Variants in FAM149B1 observed in about 807,000 individuals in gnomAD.
FAM149B1 encodes the protein primary cilium assembly protein FAM149B1.
FAM149B1 carries 56 observed loss-of-function variants against 75.3 expected under a neutral mutation model. The ratio of observed to expected loss-of-function variants is 0.74; its 90% confidence interval spans 0.60 to 0.93. The LOEUF (loss-of-function observed/expected upper bound fraction) is 0.93. Among genes scored for constraint, FAM149B1 ranks in the 40% least tolerant of loss-of-function variants. The pLI is 0.00. For missense variants in FAM149B1, 639 were observed against 708.4 expected, an observed-to-expected ratio of 0.90 and a Z score of 1.11; for synonymous variants, 259 against 256.1, an observed-to-expected ratio of 1.01 and a Z score of -0.11.
At chr10:73,176,276 A>G (rs1843961828) in intron 2 of FAM149B1, among the ~76,000 whole-genome samples, 2 of 152,138 alleles carry the variant, frequency 1.3e-5, no homozygotes, top group Admixed American at 1.3e-4. Context: ...AATGCGAGCC[A>G]TGGGGAGCTG....
intron 3 of FAM149B1, among the ~76,000 whole-genome samples, chr10:73,180,591 T>G (rs1344374373): frequency 6.6e-6 from 1 of 152,214 alleles, no homozygotes. Context: ...GCATTTATAG[T>G]CTAACAGGTT....
intron 5 of FAM149B1, among the ~76,000 whole-genome samples, chr10:73,196,725 A>G (rs1372805585): frequency 6.6e-6 from 1 of 152,080 alleles, no homozygotes; most frequent in African/African-American, 2.4e-5. Context: ...ATTTAAGATA[A>G]AAGTCTAAAA....
chr10:73,199,197 T>G (rs967477952), intron 5 of FAM149B1, among the ~76,000 whole-genome samples: 6 of 146,560 alleles, frequency 4.1e-5, no homozygotes, highest in East Asian at 2.0e-4. Flanking sequence ...GTTATCCTTT[T>G]TTGTTGTTGT....
chr10:73,232,302 C>T (rs770928380), intron 9 of FAM149B1, among the ~76,000 whole-genome samples: 12 of 152,088 alleles, frequency 7.9e-5, no homozygotes, highest in East Asian at 1.9e-4. Flanking sequence ...ATTTATTGGA[C>T]GACTTACAGA....
At chr10:73,239,479 G>T (rs1168979646) in intron 13 of FAM149B1, 95 bp downstream of exon 13, 1 of 864,246 alleles carries the variant, frequency 1.2e-6, no homozygotes, top group Non-Finnish European at 1.8e-6. Context: ...CCTTCTTTCA[G>T]ATTTTCTTGG....
intron 7 of FAM149B1, among the ~76,000 whole-genome samples, chr10:73,211,102 C>G (rs951208329): frequency 1.3e-5 from 2 of 152,168 alleles, no homozygotes; most frequent in African/African-American, 4.8e-5. Flanking sequence ...AAGTTGTGAC[C>G]TGTACTTCTG....
intron 5 of FAM149B1, among the ~76,000 whole-genome samples, chr10:73,197,685 C>CG (rs1208217806): frequency 6.6e-6 from 1 of 151,776 alleles, no homozygotes; most frequent in Non-Finnish European, 1.5e-5. Flanking sequence ...CAGGAGAATC[C>CG]CTTGAACTCA....
At chr10:73,177,665 T>C (rs1844029522) in intron 2 of FAM149B1, among the ~76,000 whole-genome samples, 181 bp from the exon 3 acceptor site, 1 of 141,652 alleles carries the variant, frequency 7.1e-6, no homozygotes, top group Admixed American at 6.7e-5. Context: ...ATCAATTCTG[T>C]AGGAATTAGG....
At position 73,244,085 on chromosome 10, in the gene FAM149B1, C is replaced by T. The variant is rs2043981848; in HGVS notation, c.*3066C>T. On this transcript the variant is annotated 3_prime_UTR_variant, in exon 14 of 14. Transcript: ENST00000242505. ...CATAACTATGTCATTCATTAAATGG[C>T]AACAATGCTGACAGCAAGCAGTAGA... 1 of 615,572 alleles carries T rather than the reference C, an allele frequency of 1.6e-6. No homozygotes were observed. The highest frequency in any genetic ancestry group is 2.1e-5 in the South Asian group (1 of 47,302). 38.1% of individuals were successfully genotyped at this position (615,572 alleles called of 1,614,324 possible).
chr10:73,173,822 C>G (rs1843823528), intron 1 of FAM149B1, among the ~76,000 whole-genome samples: 1 of 152,054 alleles, frequency 6.6e-6, no homozygotes, highest in Admixed American at 6.6e-5. Flanking sequence ...CAAATTGTTG[C>G]AAATCTCCAA....
chr10:73,178,479 G>A (rs536484617), intron 3 of FAM149B1, among the ~76,000 whole-genome samples: 2 of 145,320 alleles, frequency 1.4e-5, no homozygotes, highest in Non-Finnish European at 3.0e-5. Flanking sequence ...CAACAAGAAC[G>A]AAACTGTCTC....
intron 12 of FAM149B1, among the ~76,000 whole-genome samples, chr10:73,238,330 G>A (rs1011631344): frequency 2.0e-5 from 3 of 152,204 alleles, no homozygotes; most frequent in Non-Finnish European, 4.4e-5. Context: ...CTGGGCGACA[G>A]AGCGAGAAGA....
chr10:73,174,568 A>C (rs1263547076), intron 1 of FAM149B1, 119 bp from the exon 2 acceptor site: 3 of 633,322 alleles, frequency 4.7e-6, no homozygotes, highest in Non-Finnish European at 8.1e-6. Context: ...ACTGGTGGCT[A>C]CCATATCAGA....
intron 13 of FAM149B1, among the ~76,000 whole-genome samples, chr10:73,240,393 A>G (rs1368783621): frequency 6.6e-6 from 1 of 152,126 alleles, no homozygotes; most frequent in Non-Finnish European, 1.5e-5. Context: ...TCTGCATTTG[A>G]GCTACAATTT....
At chr10:73,169,843 A>G (rs1201740256) in intron 1 of FAM149B1, among the ~76,000 whole-genome samples, 1 of 148,830 alleles carries the variant, frequency 6.7e-6, no homozygotes, top group Non-Finnish European at 1.5e-5. Flanking sequence ...GAAATGTTAC[A>G]TATTTTAAGA....
intron 7 of FAM149B1, 68 bp downstream of exon 7, chr10:73,210,506 T>G (rs2043164147): frequency 8.9e-7 from 1 of 1,129,042 alleles, no homozygotes. Flanking sequence ...ACCAGTCTAT[T>G]AGATGATATG....
chr10:73,233,245 G>GA, intron 10 of FAM149B1, 82 bp downstream of exon 10: 1 of 977,480 alleles, frequency 1.0e-6, no homozygotes, highest in South Asian at 1.5e-5. Flanking sequence ...ATATAAGACT[G>GA]AAATCTATGC....
Position 73,243,420 on chromosome 10 carries a change from G to A in FAM149B1, c.*2401G>A, listed in dbSNP as rs546048289. The A allele has an allele frequency of 7.4e-4, 1,193 of 1,613,894 alleles. 20 individuals carry two copies. The South Asian group carries it at 0.012, about 17-fold the overall frequency. ...TTCCATTATTTCTTTTCTTTCTTGA[G>A]AGCAGATTTTTTCCCTCCTCCTTTG... On this transcript the variant is annotated 3_prime_UTR_variant, in exon 14 of 14. Coordinates refer to ENST00000242505, the MANE Select transcript of FAM149B1 (RefSeq NM_173348.2).
chr10:73,227,426 T>C (rs2043577484), intron 7 of FAM149B1, among the ~76,000 whole-genome samples: 1 of 152,194 alleles, frequency 6.6e-6, no homozygotes, highest in Non-Finnish European at 1.5e-5. Flanking sequence ...AGTCATATTT[T>C]CTATTTCTGC....
Sources: gnomAD v4.1 joint callset for allele counts (sites outside exome capture counted in the v4.1 genomes callset) on GRCh38, gnomAD v4.1.1 for gene constraint, MANE v1.5 for transcripts, NCBI Gene and HGNC (gene_info 2026-07-23, HGNC 2026-07-21) for gene names.